The following ALDH7A1 variants were observed in gnomAD, a reference collection of about 807,000 sequenced individuals.
ALDH7A1 encodes the protein aldehyde dehydrogenase 7 family member A1, also known as alpha-aminoadipic semialdehyde dehydrogenase.
A neutral mutation model predicts 79.9 loss-of-function variants in ALDH7A1; 63 were observed. The observed-to-expected ratio is 0.79, with a 90% CI of 0.64 to 0.97. The LOEUF is 0.97. Ranked by LOEUF, ALDH7A1 falls within the 50% of genes least tolerant of loss-of-function variation. ALDH7A1 has a pLI of 0.00. For synonymous variants in ALDH7A1, 240 were observed against 231.2 expected (o/e 1.04, Z -0.34); for missense variants, 627 against 665.2 (o/e 0.94, Z 0.63).
chr5:126,568,517 A>G (rs1243385359), intron 8 of ALDH7A1, 161 bp from the exon 9 acceptor site: 1 of 677,442 alleles, frequency 1.5e-6, no homozygotes, highest in Non-Finnish European at 2.7e-6. Flanking sequence ...GAGAAGGAAA[A>G]AAGTTTTTCA....
intron 1 of ALDH7A1, 110 bp from the exon 2 acceptor site, chr5:126,593,514 C>T: frequency 6.8e-7 from 1 of 1,461,974 alleles, no homozygotes; most frequent in Non-Finnish European, 9.5e-7. Context: ...ATATAATACC[C>T]AAACTCAAAA....
intron 3 of ALDH7A1, chr5:126,586,300 T>C (rs993870565): frequency 6.6e-6 from 1 of 152,190 alleles, no homozygotes; most frequent in Admixed American, 6.5e-5. Flanking sequence ...TCCTAGCACA[T>C]GGTGTGGGTT....
rs113750539 is a variant in ALDH7A1, at chr5:126,545,412, A to G, written c.1566-393T>C. Among the ~76,000 whole-genome samples, 702 of 151,674 alleles carry G rather than the reference A, an allele frequency of 4.6e-3. 8 individuals carry two copies. The highest frequency in any genetic ancestry group is 0.016 in the African/African-American group (654 of 41,458). On this transcript the variant is annotated intron_variant, in intron 17 of 17. Coordinates refer to ENST00000409134, the MANE Select transcript of ALDH7A1 (RefSeq NM_001182.5). ...GCCTCAGCCTCCTGATTAGCTGTGC[A>G]CCACCACGCCTGGCTAATTTTTGTA...
At chr5:126,563,527 T>C (rs1463481875) in intron 9 of ALDH7A1, among the ~76,000 whole-genome samples, 2 of 152,224 alleles carry the variant, frequency 1.3e-5, no homozygotes, top group Non-Finnish European at 2.9e-5. Flanking sequence ...TCTTGCTCTG[T>C]TGCCCAGGCT....
At chr5:126,545,168 C>G in intron 17 of ALDH7A1, 149 bp from the exon 18 acceptor site, 1 of 660,154 alleles carries the variant, frequency 1.5e-6, no homozygotes, top group Non-Finnish European at 2.7e-6. Context: ...AGATAAAAGA[C>G]AATGTTAGTA....
At chr5:126,577,965 CTAA>C (rs1265085736) in intron 5 of ALDH7A1, among the ~76,000 whole-genome samples, 1 of 150,568 alleles carries the variant, frequency 6.6e-6, no homozygotes, top group East Asian at 2.0e-4. Flanking sequence ...AGGGGGAGTT[CTAA>C]TAATTATATA....
chr5:126,547,825 G>A (rs1359499808), intron 16 of ALDH7A1, among the ~76,000 whole-genome samples: 1 of 152,154 alleles, frequency 6.6e-6, no homozygotes, highest in Non-Finnish European at 1.5e-5. Flanking sequence ...GCCGAGGCAG[G>A]TGGATCACAA....
In ALDH7A1 at chr5:126,554,337, C is replaced by T. The variant is rs140947675; in HGVS notation, c.1150G>A (p.Ala384Thr). The change falls in exon 13 of 18, where the codon GCA becomes ACA. Residue 384 changes from alanine to threonine, a missense_variant. Ala to Thr is a moderately conservative substitution (Grantham distance 58). Transcript: ENST00000409134. ...TKQAVSMFLGAVEEAKKEGGT... is the reference protein window; with the variant it reads ...TKQAVSMFLGTVEEAKKEGGT... Reference sequence around the variant, plus strand: ...CCTTCTTTCTTTGCTTCTTCCACTGCTCCAAGAAACATGCTCACTGCCTGC... The same window carrying T: ...CCTTCTTTCTTTGCTTCTTCCACTGTTCCAAGAAACATGCTCACTGCCTGC... The T allele has an allele frequency of 1.4e-5, 22 of 1,614,020 alleles. No individual in the cohort carries two copies. In the African/African-American group the frequency reaches 2.3e-4, roughly 17 times the overall value.
Position 126,595,057 on chromosome 5 carries a change from G to A in ALDH7A1, c.142C>T (p.Arg48Cys). The A allele has an allele frequency of 6.2e-7, 1 of 1,609,828 alleles. No individual in the cohort carries two copies. Among genetic ancestry groups the A allele is most frequent in the South Asian group, 1.1e-5 (1 of 89,988 alleles). Residue 48 changes from arginine (R) to cysteine (C), a missense_variant, in exon 1 of 18, where the codon CGC becomes TGC. Arg to Cys is a radical substitution (Grantham distance 180, BLOSUM62 -3). Coordinates refer to ENST00000409134, the MANE Select transcript of ALDH7A1 (RefSeq NM_001182.5). ...TTATACACGCCCTCGTTTTCCTCGC[G>A]GAGCCCCAGCTCTTTCAGCCACGCA... is the stretch of plus-strand genomic sequence containing the variant. ...QYAWLKELGL[R>C]EENEGVYNGS...
chr5:126,545,850 T>C (rs1470590948), intron 17 of ALDH7A1, among the ~76,000 whole-genome samples: 1 of 149,338 alleles, frequency 6.7e-6, no homozygotes, highest in African/African-American at 2.5e-5. Flanking sequence ...TGGTGGCTCA[T>C]GCCTGTAATC....
intron 9 of ALDH7A1, chr5:126,562,094 AT>A (rs1355612637): frequency 1.3e-5 from 2 of 152,234 alleles, no homozygotes; most frequent in Non-Finnish European, 2.9e-5. Context: ...TAGTAGCATA[AT>A]TCACAATAGC....
intron 16 of ALDH7A1, among the ~76,000 whole-genome samples, chr5:126,548,479 T>A (rs1469427733): frequency 6.6e-6 from 1 of 150,460 alleles, no homozygotes; most frequent in African/African-American, 2.5e-5. Context: ...CAGACTTGAG[T>A]GCACTGGCAC....
chr5:126,543,009 G>A lies in ALDH7A1; in HGVS notation c.*1956C>T, dbSNP rs1232142257. On this transcript the variant is annotated 3_prime_UTR_variant, in exon 18 of 18. Transcript: ENST00000409134. The stretch of plus-strand genomic sequence containing the variant: ...ATTCCCCGCATCCACAATGGAGGCT[G>A]GGCATTGCCAGCAGTAGCGGTTGGA... 4 of 152,284 alleles carry A rather than the reference G, an allele frequency of 2.6e-5. No homozygotes were observed. The highest frequency in any genetic ancestry group is 4.4e-5 in the Non-Finnish European group (3 of 68,044). 9.4% of individuals were successfully genotyped at this position (152,284 alleles called of 1,614,324 possible).
At chr5:126,586,488 A>T (rs1751362298) in intron 3 of ALDH7A1, 1 of 152,242 alleles carries the variant, frequency 6.6e-6, no homozygotes, top group African/African-American at 2.4e-5. Context: ...TACTGTGCTA[A>T]TCCCTGGATA....
chr5:126,589,112 C>A (rs548966355), intron 3 of ALDH7A1: 1 of 151,846 alleles, frequency 6.6e-6, no homozygotes, highest in Admixed American at 6.6e-5. Flanking sequence ...ACTTTCTACT[C>A]GTTTTTCTGT....
chr5:126,570,545 A>G (rs1463667999), intron 8 of ALDH7A1: 3 of 482,158 alleles, frequency 6.2e-6, no homozygotes, highest in African/African-American at 5.9e-5. Flanking sequence ...TTATTTCAGG[A>G]TATAAACACC....
chr5:126,583,573 T>C (rs1751246323), intron 4 of ALDH7A1, among the ~76,000 whole-genome samples: 1 of 151,588 alleles, frequency 6.6e-6, no homozygotes, highest in Admixed American at 6.6e-5. Flanking sequence ...TGGTGGCCCA[T>C]GCCTATAATC....
In ALDH7A1 at chr5:126,546,890, T is replaced by C. The variant is rs544994811; in HGVS notation, c.1490-491A>G. Among the ~76,000 whole-genome samples, 98 of 152,348 alleles carry C rather than the reference T, an allele frequency of 6.4e-4. 2 individuals carry two copies. The South Asian group carries it at 0.02, about 31-fold the overall frequency. Reference sequence around the variant, plus strand: ...ATAACAATTTTGAAATAAAAGCTTCTCTATTAACTACTCACCTGGTCTTTC... The same window carrying C: ...ATAACAATTTTGAAATAAAAGCTTCCCTATTAACTACTCACCTGGTCTTTC... On this transcript the variant is annotated intron_variant, in intron 16 of 17. Coordinates refer to ENST00000409134, the MANE Select transcript of ALDH7A1 (RefSeq NM_001182.5).
rs529356433 is a variant in ALDH7A1, at chr5:126,568,473, A to C, written c.774-117T>G. ...AAGCAGTCCCTTGAAGCTACAAGAA[A>C]GTCTGTCCCAGGGGAGCAAGGGAAG... On this transcript the variant is annotated intron_variant, in intron 8 of 17. Transcript: ENST00000409134. 3.3e-5 allele frequency: 29 copies of C among 890,966 alleles called. 1 individual carries two copies. In the Middle Eastern group the frequency reaches 8.6e-4, roughly 26 times the overall value. 55.2% of individuals were successfully genotyped at this position (890,966 alleles called of 1,614,324 possible). A position where few individuals can be genotyped will look rare whatever the true frequency, so the allele number is the denominator to read the frequency against.
Sources: allele counts gnomAD v4.1 joint callset (sites outside exome capture counted in the v4.1 genomes callset), GRCh38; gene constraint gnomAD v4.1.1; transcripts MANE v1.5; gene names NCBI Gene and HGNC (gene_info 2026-07-23, HGNC 2026-07-21).